PRKCA: variants seen among roughly 807,000 people sequenced by gnomAD.
The protein encoded by PRKCA is protein kinase C alpha.
A neutral mutation model predicts 87.0 loss-of-function variants in PRKCA; 27 were observed. The ratio of observed to expected loss-of-function variants is 0.31; its 90% CI spans 0.23 to 0.43. PRKCA has a LOEUF of 0.43. Ranked by LOEUF, PRKCA falls within the 20% of genes least tolerant of loss-of-function variation. PRKCA has a pLI of 1.00. For synonymous variants in PRKCA, 329 were observed against 311.1 expected, an observed-to-expected ratio of 1.06 and a Z score of -0.61; for missense variants, 518 against 852.3, an observed-to-expected ratio of 0.61 and a Z score of 4.88.
At chr17:66,781,890 G>A (rs1214978796) in intron 14 of PRKCA, among the ~76,000 whole-genome samples, 4,243 of 105,680 alleles carry the variant, frequency 0.04, 70 homozygotes, top group East Asian at 0.11. Context: ...TATATATAGT[G>A]TGTGTGTGTG....
chr17:66,463,099 C>T (rs961228564), intron 2 of PRKCA, among the ~76,000 whole-genome samples: 15 of 152,260 alleles, frequency 9.9e-5, no homozygotes, highest in Middle Eastern at 3.4e-3. Flanking sequence ...CCTGTGGCAG[C>T]CTTAGGGCTC....
intron 2 of PRKCA, among the ~76,000 whole-genome samples, chr17:66,335,532 T>G (rs1906607624): frequency 6.6e-6 from 1 of 151,340 alleles, no homozygotes; most frequent in Non-Finnish European, 1.5e-5. Flanking sequence ...TAGCTAATGC[T>G]GTAGAACTGA....
At chr17:66,762,670 C>T (rs78425691) in intron 13 of PRKCA, among the ~76,000 whole-genome samples, 3,675 of 152,282 alleles carry the variant, frequency 0.024, 163 homozygotes, top group African/African-American at 0.085. Flanking sequence ...AAAGAGGACA[C>T]GGTCAGGAGA....
At chr17:66,647,435 C>T (rs139398602) in intron 5 of PRKCA, among the ~76,000 whole-genome samples, 140 of 152,260 alleles carry the variant, frequency 9.2e-4, no homozygotes, top group African/African-American at 3.3e-3. Context: ...CGCTGTAAGG[C>T]AAGAATGCCT....
chr17:66,559,544 A>G (rs188375585), intron 3 of PRKCA, among the ~76,000 whole-genome samples: 173 of 148,672 alleles, frequency 1.2e-3, no homozygotes, highest in African/African-American at 4.0e-3. Context: ...TAGGGAACTC[A>G]GGCTCAGAGA....
At chr17:66,488,773 G>T (rs564071960) in intron 2 of PRKCA, among the ~76,000 whole-genome samples, 2 of 152,280 alleles carry the variant, frequency 1.3e-5, no homozygotes, top group East Asian at 3.9e-4. Flanking sequence ...AAGAATCAAG[G>T]TGCTGTCTGA....
At chr17:66,507,588 G>A (rs1917033006) in intron 3 of PRKCA, among the ~76,000 whole-genome samples, 1 of 152,170 alleles carries the variant, frequency 6.6e-6, no homozygotes. Flanking sequence ...GTAAAGACAG[G>A]AGCATGTAGG....
Position 66,689,140 on chromosome 17 carries a change from A to C in PRKCA, c.918+93A>C. The C allele has an allele frequency of 1.5e-6, 1 of 686,368 alleles. No individual in the cohort carries two copies. Among genetic ancestry groups the C allele is most frequent in the East Asian group, 3.1e-5 (1 of 32,402 alleles). 42.5% of individuals were successfully genotyped at this position (686,368 alleles called of 1,614,324 possible). A position where few individuals can be genotyped will look rare whatever the true frequency, so the allele number is the denominator to read the frequency against. On this transcript the variant is annotated intron_variant, in intron 8 of 16. Coordinates refer to ENST00000413366, the MANE Select transcript of PRKCA (RefSeq NM_002737.3). This position sits in a 1 kb window ranked among gnomAD's most constrained non-coding sequence, Gnocchi z 4.1. ...GTTGTGGTCACATTTTTGAAAAGCA[A>C]AAAAAAAGTAATCTCAATGTTAATG...
intron 2 of PRKCA, among the ~76,000 whole-genome samples, chr17:66,372,995 G>T (rs186880935): frequency 2.6e-4 from 40 of 152,182 alleles, no homozygotes; most frequent in Admixed American, 1.6e-3. Context: ...GGAGGTGGAG[G>T]TTGCAGTGAG....
At chr17:66,327,803 A>G (rs951766372) in intron 2 of PRKCA, among the ~76,000 whole-genome samples, 3 of 152,192 alleles carry the variant, frequency 2.0e-5, no homozygotes, top group African/African-American at 7.2e-5. Context: ...TTAGGTGACT[A>G]TTCAACAGAT....
At chr17:66,610,508 C>T (rs1014542761) in intron 3 of PRKCA, among the ~76,000 whole-genome samples, 6 of 152,154 alleles carry the variant, frequency 3.9e-5, no homozygotes, top group African/African-American at 1.4e-4. Flanking sequence ...CAGGAACCCA[C>T]CCAGAGTCAC....
At chr17:66,562,612 T>C (rs1968750461) in intron 3 of PRKCA, among the ~76,000 whole-genome samples, 1 of 152,076 alleles carries the variant, frequency 6.6e-6, no homozygotes, top group Non-Finnish European at 1.5e-5. Context: ...TTGTTGTTGT[T>C]TTTTGGCAGA....
intron 15 of PRKCA, among the ~76,000 whole-genome samples, chr17:66,788,044 C>A (rs367960497): frequency 1.7e-3 from 266 of 152,330 alleles, no homozygotes; most frequent in African/African-American, 6.2e-3. Flanking sequence ...AAGATATGCA[C>A]ACACTTTGGT....
intron 2 of PRKCA, chr17:66,340,078 A>G (rs1001417341): frequency 3.3e-5 from 5 of 152,174 alleles, no homozygotes; most frequent in Non-Finnish European, 5.9e-5. Context: ...TTGGAGTTAA[A>G]ATTGTGTGGA....
intron 8 of PRKCA, among the ~76,000 whole-genome samples, chr17:66,719,888 C>T (rs997716216): frequency 2.0e-5 from 3 of 152,212 alleles, no homozygotes; most frequent in African/African-American, 7.2e-5. Context: ...GGCAGCCTTG[C>T]TGTAGAAATT....
intron 13 of PRKCA, among the ~76,000 whole-genome samples, chr17:66,768,103 C>G (rs1226447693): frequency 6.6e-6 from 1 of 152,088 alleles, no homozygotes; most frequent in African/African-American, 2.4e-5. Flanking sequence ...GCCACCGGAC[C>G]CAGCTAATTT....
intron 3 of PRKCA, among the ~76,000 whole-genome samples, chr17:66,512,490 G>GTA (rs1247782592): frequency 1.2e-4 from 2 of 16,144 alleles, no homozygotes; most frequent in South Asian, 4.5e-3. Context: ...GTGTGTGTGT[G>GTA]TATTTCTTTC....
chr17:66,592,234 A>G (rs867843279), intron 3 of PRKCA, among the ~76,000 whole-genome samples: 2 of 150,666 alleles, frequency 1.3e-5, no homozygotes, highest in African/African-American at 4.9e-5. Flanking sequence ...ACATGCCTGT[A>G]GTCCCAGCTA....
chr17:66,406,609 T>A (rs890573583), intron 2 of PRKCA, among the ~76,000 whole-genome samples: 1 of 145,580 alleles, frequency 6.9e-6, no homozygotes, highest in East Asian at 2.0e-4. Flanking sequence ...TTTTTTTTTT[T>A]AAATGTCATA....
Sources: gnomAD v4.1 joint callset for allele counts (sites outside exome capture counted in the v4.1 genomes callset) on GRCh38, gnomAD v4.1.1 for gene constraint, Gnocchi (gnomAD v3.1) non-coding constraint, MANE v1.5 for transcripts, NCBI Gene and HGNC (gene_info 2026-07-23, HGNC 2026-07-21) for gene names.